PCDHGB2: variants seen among roughly 807,000 people sequenced by gnomAD.
The protein encoded by PCDHGB2 is protocadherin gamma-B2.
PCDHGB2 carries 55 observed loss-of-function variants against 59.3 expected under a neutral mutation model. The ratio of observed to expected loss-of-function variants is 0.93; its 90% CI spans 0.75 to 1.16. The LOEUF is 1.16. Ranked by LOEUF, PCDHGB2 falls within the 50% of genes most tolerant of loss-of-function variation. The pLI, the probability that PCDHGB2 is intolerant of heterozygous loss-of-function variation, is 0.00. For synonymous variants in PCDHGB2, 516 were observed against 512.0 expected (o/e 1.01, Z -0.11); for missense variants, 1,228 against 1,198.5 (o/e 1.02, Z -0.36).
At chr5:141,507,680 A>C (rs73794928) in intron 3 of PCDHGB2, among the ~76,000 whole-genome samples, 2,806 of 152,362 alleles carry the variant, frequency 0.018, 91 homozygotes, top group African/African-American at 0.063. Flanking sequence ...GATGTTAAAA[A>C]CAGAAATGAA....
Position 141,477,771 on chromosome 5 carries a change from G to A in PCDHGB2, c.2422-17036G>A. 1 of 1,613,992 alleles carries A rather than the reference G, an allele frequency of 6.2e-7. No homozygotes were observed. The highest frequency in any genetic ancestry group is 1.3e-5 in the African/African-American group (1 of 75,054). ...ACCCCGGTCCTAGCCACCAACATCA[G>A]CGTGAACATATTTGTCACTGATCGC... On this transcript the variant is annotated intron_variant, in intron 1 of 3. Transcript: ENST00000522605. This position sits in a 1 kb window ranked among gnomAD's most constrained non-coding sequence, Gnocchi z 4.9.
intron 1 of PCDHGB2, chr5:141,395,547 TG>T (rs5871772): frequency 0.053 from 9,293 of 174,278 alleles, 481 homozygotes; most frequent in Middle Eastern, 0.08. Flanking sequence ...ATTGTTTGTG[TG>T]TGTGTGTGTG....
chr5:141,492,908 A>G (rs1595151443), intron 1 of PCDHGB2, among the ~76,000 whole-genome samples: 2 of 152,302 alleles, frequency 1.3e-5, no homozygotes, highest in African/African-American at 4.8e-5. Context: ...TCGTGATCAC[A>G]ATGTGCCCAG....
Position 141,486,683 on chromosome 5 carries a change from G to C in PCDHGB2, c.2422-8124G>C, listed in dbSNP as rs1207359772. 6.2e-7 allele frequency: 1 copy of C among 1,613,974 alleles called. No individual in the cohort carries two copies. ...GGAGCCCAGGAATCGAGATGTATCA[G>C]CTTCCTCTTTCATCTCTCTGAACCC... On this transcript the variant is annotated intron_variant, in intron 1 of 3. Coordinates refer to ENST00000522605, the MANE Select transcript of PCDHGB2 (RefSeq NM_018923.3). This position sits in a 1 kb window ranked among gnomAD's most constrained non-coding sequence, Gnocchi z 5.0.
At chr5:141,454,047 T>C (rs896373946) in intron 1 of PCDHGB2, among the ~76,000 whole-genome samples, 6 of 152,122 alleles carry the variant, frequency 3.9e-5, no homozygotes, top group African/African-American at 7.2e-5. Flanking sequence ...AAGATAAAAG[T>C]GCAGCAAAGA....
chr5:141,486,322 A>G lies in PCDHGB2; in HGVS notation c.2422-8485A>G. The G allele has an allele frequency of 1.9e-6, 3 of 1,613,926 alleles. No homozygotes were observed. The highest frequency in any genetic ancestry group is 2.5e-6 in the Non-Finnish European group (3 of 1,179,962). On this transcript the variant is annotated intron_variant, in intron 1 of 3. Coordinates refer to ENST00000522605, the MANE Select transcript of PCDHGB2 (RefSeq NM_018923.3). This position sits in a 1 kb window ranked among gnomAD's most constrained non-coding sequence, Gnocchi z 5.0. ...AGGATCCAGACTCAGGGTCAAACGG[A>G]GATGTGAGCCTCCGCATTCCTGACC...
intron 1 of PCDHGB2, chr5:141,374,870 G>T: frequency 6.2e-7 from 1 of 1,613,702 alleles, no homozygotes; most frequent in Non-Finnish European, 8.5e-7. Context: ...ACCAGTGTTG[G>T]CAGTGACTGC....
rs762443906 is a variant in PCDHGB2, at chr5:141,374,173, G to C, written c.2421+11617G>C. The C allele has an allele frequency of 3.1e-6, 5 of 1,613,352 alleles. No homozygotes were observed. The South Asian group carries it at 4.4e-5, about 14-fold the overall frequency. ...CGCTGTGGGGGGCCGCGGCAGCGCA[G>C]ATCCGCTACTCTATTCCCGAGGAGC... On this transcript the variant is annotated intron_variant, in intron 1 of 3. Coordinates refer to ENST00000522605, the MANE Select transcript of PCDHGB2 (RefSeq NM_018923.3).
chr5:141,391,847 A>T (rs1478301262), intron 1 of PCDHGB2: 1 of 152,232 alleles, frequency 6.6e-6, no homozygotes, highest in Non-Finnish European at 1.5e-5. Context: ...TGTAAAAGTC[A>T]AGTCTGCTTT....
chr5:141,365,470 T>C, intron 1 of PCDHGB2: 1 of 1,614,034 alleles, frequency 6.2e-7, no homozygotes, highest in South Asian at 1.1e-5. Flanking sequence ...GAGAAAATGG[T>C]GAGATTGCAT....
chr5:141,511,241 C>A lies in PCDHGB2; in HGVS notation c.*68C>A. On this transcript the variant is annotated 3_prime_UTR_variant, in exon 4 of 4. Coordinates refer to ENST00000522605, the MANE Select transcript of PCDHGB2 (RefSeq NM_018923.3). ...CCAGCCCAGCTTCTCCTTACCTGCA[C>A]CCAGGCCTCAGAGTTTCAGGGCTAA... 1 of 1,585,212 alleles carries A rather than the reference C, an allele frequency of 6.3e-7. No individual in the cohort carries two copies. The highest frequency in any genetic ancestry group is 8.6e-7 in the Non-Finnish European group (1 of 1,165,762).
intron 1 of PCDHGB2, chr5:141,423,558 G>T: frequency 1.2e-6 from 2 of 1,613,580 alleles, no homozygotes; most frequent in Non-Finnish European, 1.7e-6. Context: ...CCAACTATGG[G>T]GACACGCTCA....
intron 1 of PCDHGB2, chr5:141,404,276 G>A (rs754510135): frequency 6.2e-7 from 1 of 1,613,992 alleles, no homozygotes; most frequent in Non-Finnish European, 8.5e-7. Context: ...CACCCTGCAA[G>A]TGACTGACAT....
At chr5:141,421,241 T>C in intron 1 of PCDHGB2, 1 of 1,600,982 alleles carries the variant, frequency 6.2e-7, no homozygotes, top group Non-Finnish European at 8.5e-7. Flanking sequence ...GCGAATCGGC[T>C]ACAGCGCGGG....
At position 141,491,456 on chromosome 5, in the gene PCDHGB2, C is replaced by G; in HGVS notation, c.2422-3351C>G. On this transcript the variant is annotated intron_variant, in intron 1 of 3. Transcript: ENST00000522605. The surrounding 1 kb of genome is among the most constrained non-coding windows in gnomAD (Gnocchi z 6.9). Reference sequence around the variant, plus strand: ...TGCAGGCGCCAGGACTCACCCTCCCCGGACTTCTATAAGCAGTCCAGCCCC... The same window carrying G: ...TGCAGGCGCCAGGACTCACCCTCCCGGGACTTCTATAAGCAGTCCAGCCCC... 1 of 1,614,104 alleles carries G rather than the reference C, an allele frequency of 6.2e-7. No homozygotes were observed. The highest frequency in any genetic ancestry group is 8.5e-7 in the Non-Finnish European group (1 of 1,180,010).
intron 1 of PCDHGB2, among the ~76,000 whole-genome samples, chr5:141,363,031 T>C (rs1425666122): frequency 6.6e-6 from 1 of 152,248 alleles, no homozygotes; most frequent in Non-Finnish European, 1.5e-5. Context: ...CATTGTCCCA[T>C]TGACTTGAAG....
chr5:141,369,529 T>C (rs1766316708), intron 1 of PCDHGB2, among the ~76,000 whole-genome samples: 1 of 152,170 alleles, frequency 6.6e-6, no homozygotes, highest in South Asian at 2.1e-4. Flanking sequence ...TCAATCATAC[T>C]TATTTAATTA....
At chr5:141,362,879 A>T (rs1762711242) in intron 1 of PCDHGB2, among the ~76,000 whole-genome samples, 1 of 152,216 alleles carries the variant, frequency 6.6e-6, no homozygotes, top group African/African-American at 2.4e-5. Context: ...TGTTATTCAA[A>T]TTTTAGTTTT....
chr5:141,434,621 G>A (rs980508411), intron 1 of PCDHGB2, among the ~76,000 whole-genome samples: 1 of 151,966 alleles, frequency 6.6e-6, no homozygotes, highest in Non-Finnish European at 1.5e-5. Flanking sequence ...CCATCTCTTC[G>A]TTTCCCATAA....
Sources: gnomAD v4.1 joint callset for allele counts (sites outside exome capture counted in the v4.1 genomes callset) on GRCh38, gnomAD v4.1.1 for gene constraint, Gnocchi (gnomAD v3.1) non-coding constraint, MANE v1.5 for transcripts, NCBI Gene and HGNC (gene_info 2026-07-23, HGNC 2026-07-21) for gene names.